Variants in SKP2 observed in about 807,000 individuals in gnomAD.
The protein encoded by SKP2 is S-phase kinase associated protein 2.
A neutral mutation model predicts 51.8 loss-of-function variants in SKP2; 16 were observed. That is an observed-to-expected ratio of 0.31 (90% CI 0.21 to 0.47). The LOEUF (loss-of-function observed/expected upper bound fraction) is 0.47, where lower values mean the gene tolerates loss of function less well. Ranked by LOEUF, SKP2 falls within the 20% of genes least tolerant of loss-of-function variation. The pLI is 1.00. For missense variants in SKP2, 377 were observed against 505.3 expected (o/e 0.75, Z 2.43); for synonymous variants, 176 against 198.6 (o/e 0.89, Z 0.96).
chr5:36,170,322 T>C, intron 5 of SKP2, 22 bp from the exon 6 acceptor site: 1 of 1,435,478 alleles, frequency 7.0e-7, no homozygotes, highest in South Asian at 1.2e-5. Flanking sequence ...CTTTTTCTTC[T>C]GACGTTTTTC....
intron 2 of SKP2, among the ~76,000 whole-genome samples, chr5:36,157,373 CT>C (rs1196480129): frequency 6.6e-6 from 1 of 152,150 alleles, no homozygotes; most frequent in Non-Finnish European, 1.5e-5. Context: ...TTGAGCAAGT[CT>C]TTCATAGAAA....
At chr5:36,174,549 ATTGAACAAAACAGAGCC>A (rs953142082) in intron 7 of SKP2, among the ~76,000 whole-genome samples, 2 of 152,114 alleles carry the variant, frequency 1.3e-5, no homozygotes, top group Non-Finnish European at 2.9e-5. Flanking sequence ...ACCTACAGTG[ATTGAACAAAACAGAGCC>A]TTGAACAAAA....
intron 9 of SKP2, chr5:36,180,333 T>G (rs1579576630): frequency 3.0e-6 from 3 of 1,007,384 alleles, no homozygotes; most frequent in Middle Eastern, 2.5e-4. Context: ...GTGATCTTAC[T>G]TCGACAGTGT....
At chr5:36,154,462 C>T (rs947688448) in intron 2 of SKP2, among the ~76,000 whole-genome samples, 1 of 152,100 alleles carries the variant, frequency 6.6e-6, no homozygotes, top group Non-Finnish European at 1.5e-5. Flanking sequence ...CCTGATTTAA[C>T]CTTCTAAAAA....
In SKP2 at chr5:36,152,119, T is replaced by C. The variant is rs1416037122; in HGVS notation, c.-144T>C. 1.2e-6 allele frequency: 1 copy of C among 808,732 alleles called. No individual in the cohort carries two copies. The highest frequency in any genetic ancestry group is 1.7e-5 in the African/African-American group (1 of 59,032). The allele number at this position is 808,732 out of a possible 1,614,324, so 50.1% of individuals were successfully genotyped here. ...TAGAGCCTTGCGCGCGCAGTGGGGA[T>C]GGAACGTTGCTAGGCTTAGCGGGTC... On this transcript the variant is annotated 5_prime_UTR_variant, in exon 1 of 10. An upstream start codon of the reference 5' UTR is lost. Transcript: ENST00000274255.
intron 6 of SKP2, among the ~76,000 whole-genome samples, chr5:36,189,412 T>C (rs1745985075): frequency 2.0e-5 from 3 of 152,256 alleles, no homozygotes; most frequent in Admixed American, 2.0e-4. Flanking sequence ...GGTGTGGATG[T>C]CCTTTCTGTT....
chr5:36,184,220 G>C lies in SKP2; in HGVS notation c.*2189G>C. ...TATGCTTGTCACATTAAAAAAAAAA[G>C]TTTATAATGCCTTTATAAAAGGGGC... On this transcript the variant is annotated 3_prime_UTR_variant, in exon 10 of 10. Transcript: ENST00000274255. The C allele has an allele frequency of 2.9e-6, 1 of 339,554 alleles. No homozygotes were observed. The highest frequency in any genetic ancestry group is 5.3e-6 in the Non-Finnish European group (1 of 190,004). The allele number at this position is 339,554 out of a possible 1,614,324, so 21.0% of individuals were successfully genotyped here. A position where few individuals can be genotyped will look rare whatever the true frequency, so the allele number is the denominator to read the frequency against.
At chr5:36,155,078 G>T (rs1022774857) in intron 2 of SKP2, 12 of 152,166 alleles carry the variant, frequency 7.9e-5, no homozygotes, top group Non-Finnish European at 1.5e-4. Context: ...GGTTTCCTTT[G>T]CAGAAGGGTT....
intron 6 of SKP2, among the ~76,000 whole-genome samples, chr5:36,190,388 G>A (rs1745997189): frequency 6.6e-6 from 1 of 152,144 alleles, no homozygotes; most frequent in Non-Finnish European, 1.5e-5. Flanking sequence ...TATCTTTAAA[G>A]TGCTTCCAGT....
chr5:36,179,207 G>C (rs144349527), intron 9 of SKP2, among the ~76,000 whole-genome samples: 1 of 152,078 alleles, frequency 6.6e-6, no homozygotes, highest in Non-Finnish European at 1.5e-5. Flanking sequence ...GGATGAGTTT[G>C]TTGGTACCTT....
chr5:36,192,285 A>T (rs1197341509), intron 6 of SKP2, among the ~76,000 whole-genome samples: 1 of 152,186 alleles, frequency 6.6e-6, no homozygotes, highest in African/African-American at 2.4e-5. Flanking sequence ...TAGACAACTC[A>T]TTAGTACATT....
chr5:36,182,511 G>A lies in SKP2; in HGVS notation c.*480G>A, dbSNP rs543131492. Reference sequence around the variant, plus strand: ...AAAAAGAGAATCATAGGATAGTAGCGTCTGAGGCCATCTTTTCTAGGAATA... The same window carrying A: ...AAAAAGAGAATCATAGGATAGTAGCATCTGAGGCCATCTTTTCTAGGAATA... On this transcript the variant is annotated 3_prime_UTR_variant, in exon 10 of 10. Coordinates refer to ENST00000274255, the MANE Select transcript of SKP2 (RefSeq NM_005983.4). The A allele has an allele frequency of 7.9e-5, 78 of 985,606 alleles. No homozygotes were observed. The highest frequency in any genetic ancestry group is 9.4e-5 in the South Asian group (2 of 21,302). The allele number at this position is 985,606 out of a possible 1,614,324, so 61.1% of individuals were successfully genotyped here. A position where few individuals can be genotyped will look rare whatever the true frequency, so the allele number is the denominator to read the frequency against.
downstream of SKP2, among the ~76,000 whole-genome samples, chr5:36,187,503 T>C (rs1394882723): frequency 6.6e-6 from 1 of 152,244 alleles, no homozygotes; most frequent in Non-Finnish European, 1.5e-5. Flanking sequence ...CCAGTAGTCA[T>C]TCAGGAGCAG....
Position 36,182,845 on chromosome 5 carries a change from C to T in SKP2, c.*814C>T. The T allele has an allele frequency of 1.0e-6, 1 of 984,554 alleles. No individual in the cohort carries two copies. Among genetic ancestry groups the T allele is most frequent in the East Asian group, 1.1e-4 (1 of 8,812 alleles). The allele number at this position is 984,554 out of a possible 1,614,324, so 61.0% of individuals were successfully genotyped here. A position where few individuals can be genotyped will look rare whatever the true frequency, so the allele number is the denominator to read the frequency against. ...ATGGGTCCTTTAGCTTTTAAAATGACTTGCTTTGTTTTAGAAAGGTGGTAT... is the reference window on the plus strand; with the variant it reads ...ATGGGTCCTTTAGCTTTTAAAATGATTTGCTTTGTTTTAGAAAGGTGGTAT... On this transcript the variant is annotated 3_prime_UTR_variant, in exon 10 of 10. Coordinates refer to ENST00000274255, the MANE Select transcript of SKP2 (RefSeq NM_005983.4).
At chr5:36,177,665 G>T (rs1347753406) in intron 9 of SKP2, among the ~76,000 whole-genome samples, 1 of 150,652 alleles carries the variant, frequency 6.6e-6, no homozygotes, top group African/African-American at 2.4e-5. Flanking sequence ...CAAATTTTTC[G>T]GATTAACTCC....
intron 9 of SKP2, among the ~76,000 whole-genome samples, chr5:36,180,666 A>G (rs1745777696): frequency 6.6e-6 from 1 of 152,180 alleles, no homozygotes; most frequent in Non-Finnish European, 1.5e-5. Flanking sequence ...GAAGCATCAA[A>G]GGTTTTGGAG....
intron 6 of SKP2, 139 bp from the exon 7 acceptor site, chr5:36,171,464 C>T: frequency 6.3e-6 from 5 of 798,008 alleles, no homozygotes; most frequent in Non-Finnish European, 1.0e-5. Flanking sequence ...CTAAAGGTAG[C>T]TACTGTTAGA....
At chr5:36,159,057 G>T (rs115703181) in intron 2 of SKP2, among the ~76,000 whole-genome samples, 1,551 of 152,320 alleles carry the variant, frequency 0.01, 18 homozygotes, top group African/African-American at 0.035. Flanking sequence ...ATAGAGTCCT[G>T]TTATGTGCCA....
At chr5:36,161,774 G>T (rs1178301924) in intron 2 of SKP2, among the ~76,000 whole-genome samples, 1 of 152,094 alleles carries the variant, frequency 6.6e-6, no homozygotes, top group Admixed American at 6.5e-5. Context: ...ACTTATACAG[G>T]GCCTGGTACA....
Sources: gnomAD v4.1 joint callset for allele counts (sites outside exome capture counted in the v4.1 genomes callset) on GRCh38, gnomAD v4.1.1 for gene constraint, MANE v1.5 for transcripts, NCBI Gene and HGNC (gene_info 2026-07-23, HGNC 2026-07-21) for gene names.